PHEX: variants seen among roughly 807,000 people sequenced by gnomAD.
PHEX encodes the protein phosphate regulating endopeptidase X-linked.
PHEX carries 16 observed loss-of-function variants against 68.0 expected under a neutral mutation model. The observed-to-expected ratio is 0.24, with a 90% CI of 0.16 to 0.36. The LOEUF (loss-of-function observed/expected upper bound fraction) is 0.36, where lower values mean the gene tolerates loss of function less well. Among genes scored for constraint, PHEX ranks in the 10% least tolerant of loss-of-function variants. The probability of loss-of-function intolerance (pLI) is 1.00; values close to 1 mark genes in which losing one functional copy is unlikely to be tolerated. For missense variants in PHEX, 480 were observed against 575.5 expected (o/e 0.83, Z 1.70); for synonymous variants, 208 against 205.1 (o/e 1.01, Z -0.12).
Position 22,226,421 on chromosome X carries a change from T to G in PHEX, c.1900-22T>G, listed in dbSNP as rs1221744842. 15 of 1,157,132 alleles carry G rather than the reference T, an allele frequency of 1.3e-5. No individual in the cohort carries two copies. In the African/African-American group the frequency reaches 2.7e-4, roughly 21 times the overall value. ...GTGAAACACGCATTCATTTTTTTTT[T>G]TTCCTTTTTTCTTTCTGTTAGGTCA... On this transcript the variant is annotated intron_variant, in intron 18 of 21. Coordinates refer to ENST00000379374, the MANE Select transcript of PHEX (RefSeq NM_000444.6).
chrX:22,060,654 GAA>G (rs1928321487), intron 3 of PHEX, among the ~76,000 whole-genome samples: 1 of 112,019 alleles, frequency 8.9e-6, no homozygotes, highest in South Asian at 3.7e-4. Flanking sequence ...CACACATTAT[GAA>G]AAGTTTCCTG....
Position 22,133,409 on chromosome X carries a change from C to G in PHEX, c.1303-114C>G, listed in dbSNP as rs548376149. On this transcript the variant is annotated intron_variant, in intron 11 of 21. Transcript: ENST00000379374. ...GCATGGAGTCAAGCTGAAAGAACCCCTTACTTACCATGTTGAGTAAAGAGT... is the reference window on the plus strand; with the variant it reads ...GCATGGAGTCAAGCTGAAAGAACCCGTTACTTACCATGTTGAGTAAAGAGT... 20 of 558,012 alleles carry G rather than the reference C, an allele frequency of 3.6e-5. No individual in the cohort carries two copies. In the South Asian group the frequency reaches 4.1e-4, roughly 12 times the overall value. 46.0% of individuals were successfully genotyped at this position (558,012 alleles called of 1,213,427 possible).
chrX:22,047,392 T>G (rs1279884745), intron 3 of PHEX, among the ~76,000 whole-genome samples, 181 bp downstream of exon 3: 2 of 112,373 alleles, frequency 1.8e-5, no homozygotes, highest in Non-Finnish European at 3.8e-5. Flanking sequence ...CTCCCAGATC[T>G]CAACATAAGA....
At chrX:22,075,263 A>G (rs1319945553) in intron 3 of PHEX, among the ~76,000 whole-genome samples, 3 of 105,272 alleles carry the variant, frequency 2.8e-5, no homozygotes, top group Non-Finnish European at 5.8e-5. Context: ...TTTTTAAAAA[A>G]CTAGACAGGA....
In PHEX at chrX:22,108,679, C is replaced by T. The variant is rs774107944; in HGVS notation, c.1080-2788C>T. ...TAATCTCAGCTGATACGGTGGCTCA[C>T]GCCTGTAATCCCAGCACTTTGGGAG... On this transcript the variant is annotated intron_variant, in intron 9 of 21. Coordinates refer to ENST00000379374, the MANE Select transcript of PHEX (RefSeq NM_000444.6). Among the ~76,000 whole-genome samples, 9 of 111,689 alleles carry T rather than the reference C, an allele frequency of 8.1e-5. No individual in the cohort carries two copies. The South Asian group carries it at 2.6e-3, about 33-fold the overall frequency.
At chrX:22,176,398 AAAAAATATAT>A (rs1462342113) in intron 13 of PHEX, among the ~76,000 whole-genome samples, 83 of 68,151 alleles carry the variant, frequency 1.2e-3, no homozygotes, top group African/African-American at 5.9e-3. Flanking sequence ...AAAAAAAAAA[AAAAAATATAT>A]ATATATATAT....
chrX:22,221,784 T>G, intron 18 of PHEX, 41 bp downstream of exon 18: 2 of 1,134,003 alleles, frequency 1.8e-6, no homozygotes, highest in Non-Finnish European at 2.4e-6. Flanking sequence ...TTGTGGTTCA[T>G]TTTTCCTCAT....
At chrX:22,116,627 A>G (rs1430614031) in intron 11 of PHEX, among the ~76,000 whole-genome samples, 1 of 111,784 alleles carries the variant, frequency 8.9e-6, no homozygotes. Flanking sequence ...TACATAATAC[A>G]TGATTATGTA....
chrX:22,139,673 C>T (rs1172496501), intron 12 of PHEX, among the ~76,000 whole-genome samples: 2 of 104,476 alleles, frequency 1.9e-5, no homozygotes, highest in East Asian at 6.1e-4. Flanking sequence ...TAGGTGTGTG[C>T]CCCCACATCC....
chrX:22,085,877 C>T (rs1929608908), intron 5 of PHEX, among the ~76,000 whole-genome samples: 2 of 111,959 alleles, frequency 1.8e-5, no homozygotes, highest in South Asian at 7.4e-4. Flanking sequence ...GATGATCTAT[C>T]CATTAGAGTG....
chrX:22,088,883 CA>C (rs200727427), intron 5 of PHEX, among the ~76,000 whole-genome samples: 1,588 of 112,224 alleles, frequency 0.014, 29 homozygotes, highest in African/African-American at 0.048. Flanking sequence ...CCCCTAGTAA[CA>C]AAAATTTTTC....
intron 11 of PHEX, among the ~76,000 whole-genome samples, chrX:22,131,184 C>T (rs1397492522): frequency 1.8e-5 from 2 of 110,054 alleles, no homozygotes; most frequent in Admixed American, 9.7e-5. Context: ...GGATTACAGG[C>T]GCCTGCTACT....
chrX:22,107,168 T>C (rs1930736904), intron 9 of PHEX, among the ~76,000 whole-genome samples: 1 of 112,018 alleles, frequency 8.9e-6, no homozygotes, highest in South Asian at 3.8e-4. Flanking sequence ...GTGAGGATCA[T>C]AATTAATGTG....
intron 9 of PHEX, among the ~76,000 whole-genome samples, chrX:22,105,031 A>G (rs1432514446): frequency 8.9e-6 from 1 of 112,352 alleles, no homozygotes; most frequent in Non-Finnish European, 1.9e-5. Flanking sequence ...TTCCCAAAGG[A>G]TGACCTGGAA....
intron 4 of PHEX, 50 bp from the exon 5 acceptor site, chrX:22,077,426 C>A: frequency 9.7e-7 from 1 of 1,031,290 alleles, no homozygotes; most frequent in Non-Finnish European, 1.4e-6. Flanking sequence ...TTCTAGTGTG[C>A]TGATCCAGTT....
intron 9 of PHEX, among the ~76,000 whole-genome samples, chrX:22,103,421 T>C (rs1361090046): frequency 1.8e-5 from 2 of 111,333 alleles, no homozygotes; most frequent in Non-Finnish European, 3.8e-5. Flanking sequence ...GCAGTGTACA[T>C]TGTACCCAAT....
intron 15 of PHEX, among the ~76,000 whole-genome samples, chrX:22,195,072 C>T (rs1318127745): frequency 9.0e-6 from 1 of 111,464 alleles, no homozygotes; most frequent in Non-Finnish European, 1.9e-5. Flanking sequence ...GGTTTTTATC[C>T]TTCCAGACCC....
At chrX:22,205,227 C>T (rs200959936) in intron 15 of PHEX, among the ~76,000 whole-genome samples, 1 of 112,065 alleles carries the variant, frequency 8.9e-6, no homozygotes, top group East Asian at 2.8e-4. Flanking sequence ...ATTGAATTTT[C>T]CTTTGGAATT....
intron 16 of PHEX, among the ~76,000 whole-genome samples, chrX:22,218,033 T>G (rs1018803284): frequency 8.2e-5 from 9 of 109,126 alleles, no homozygotes; most frequent in Non-Finnish European, 1.7e-4. Context: ...CACAGACAGG[T>G]GAGTGAAGGC....
Sources: allele counts gnomAD v4.1 joint callset (sites outside exome capture counted in the v4.1 genomes callset), GRCh38; gene constraint gnomAD v4.1.1; transcripts MANE v1.5; gene names NCBI Gene and HGNC (gene_info 2026-07-23, HGNC 2026-07-21).